The following PDE1C variants were observed in gnomAD, a reference collection of about 807,000 sequenced individuals.
PDE1C encodes the protein dual specificity calcium/calmodulin-dependent 3',5'-cyclic nucleotide phosphodiesterase 1C.
In PDE1C, 62 loss-of-function variants were observed where a neutral mutation model predicts 93.1. The ratio of observed to expected loss-of-function variants is 0.67; its 90% CI spans 0.54 to 0.82. The LOEUF is 0.82. Ranked by LOEUF, PDE1C falls within the 40% of genes least tolerant of loss-of-function variation. The pLI, the probability that PDE1C is intolerant of heterozygous loss-of-function variation, is 0.00. For synonymous variants in PDE1C, 325 were observed against 310.1 expected (o/e 1.05, Z -0.50); for missense variants, 742 against 884.6 (o/e 0.84, Z 2.04).
chr7:31,830,578 A>T (rs1444424381), intron 11 of PDE1C, among the ~76,000 whole-genome samples: 1 of 152,206 alleles, frequency 6.6e-6, no homozygotes, highest in Non-Finnish European at 1.5e-5. Flanking sequence ...CCACTCAGAC[A>T]TTCATGACAG....
intron 17 of PDE1C, among the ~76,000 whole-genome samples, chr7:31,764,231 A>G (rs1174913080): frequency 6.6e-6 from 1 of 152,080 alleles, no homozygotes; most frequent in Non-Finnish European, 1.5e-5. Context: ...GCTCACTGCA[A>G]CCTCTCAGGT....
chr7:32,027,450 A>T (rs755715787), intron 2 of PDE1C, among the ~76,000 whole-genome samples: 13 of 152,022 alleles, frequency 8.6e-5, no homozygotes, highest in Non-Finnish European at 1.3e-4. Context: ...GTTTGTGCTT[A>T]TATGTGTGTT....
chr7:32,035,172 A>G (rs30570), intron 2 of PDE1C, among the ~76,000 whole-genome samples: 105,453 of 151,726 alleles, frequency 0.7, 36,940 homozygotes, highest in Middle Eastern at 0.78. Context: ...TAAACTACAA[A>G]TGACATCTCC....
intron 3 of PDE1C, among the ~76,000 whole-genome samples, chr7:32,085,688 G>C (rs1016048170): frequency 6.6e-6 from 1 of 150,642 alleles, no homozygotes; most frequent in Non-Finnish European, 1.5e-5. Context: ...GGGATGCAAG[G>C]CTGGTTCAAT....
At chr7:32,126,735 CTAAAA>C (rs1799602308) in intron 3 of PDE1C, among the ~76,000 whole-genome samples, 1 of 151,924 alleles carries the variant, frequency 6.6e-6, no homozygotes, top group Non-Finnish European at 1.5e-5. Flanking sequence ...ATAAACTAAA[CTAAAA>C]TTTTACTACA....
intron 2 of PDE1C, among the ~76,000 whole-genome samples, chr7:31,959,437 C>T (rs578078006): frequency 1.3e-5 from 2 of 152,296 alleles, no homozygotes; most frequent in Non-Finnish European, 1.5e-5. Context: ...TGGTCTTAAA[C>T]TCCTGGCCTC....
chr7:32,363,725 A>G lies in PDE1C; in HGVS notation c.310+64097T>C, dbSNP rs562692876. ...TAGATTAAACACCACACAAACACAC[A>G]TTTGTTTTTTCACTATTAGCTGATG... On this transcript the variant is annotated intron_variant, in intron 1 of 1. Transcript: ENST00000672256. Among the ~76,000 whole-genome samples, 37 of 152,328 alleles carry G rather than the reference A, an allele frequency of 2.4e-4. No homozygotes were observed. The South Asian group carries it at 7.5e-3, about 31-fold the overall frequency.
At chr7:31,795,509 G>C (rs1785176665) in intron 16 of PDE1C, among the ~76,000 whole-genome samples, 1 of 151,738 alleles carries the variant, frequency 6.6e-6, no homozygotes. Context: ...AAATACAGTG[G>C]TACATTAGTA....
chr7:32,426,417 G>T (rs1262955326), intron 1 of PDE1C, among the ~76,000 whole-genome samples: 1 of 151,998 alleles, frequency 6.6e-6, no homozygotes, highest in Non-Finnish European at 1.5e-5. Context: ...GGGACTACAG[G>T]CATGCACCAT....
the PDE1C span, chr7:31,643,131 C>A: frequency 1.9e-6 from 3 of 1,613,922 alleles, no homozygotes; most frequent in South Asian, 3.3e-5. Context: ...AGGGAGCTGG[C>A]AAAGTGCAAA....
chr7:31,694,345 C>T, the PDE1C span, among the ~76,000 whole-genome samples: 1 of 149,788 alleles, frequency 6.7e-6, no homozygotes, highest in African/African-American at 2.5e-5. Flanking sequence ...GTATCAGATG[C>T]TTTGCAAACA....
chr7:31,971,148 C>T (rs1330759152), intron 2 of PDE1C, among the ~76,000 whole-genome samples: 1 of 152,006 alleles, frequency 6.6e-6, no homozygotes, highest in Non-Finnish European at 1.5e-5. Context: ...TGTTTCAATA[C>T]ATAAAAAATA....
the PDE1C span, among the ~76,000 whole-genome samples, chr7:31,679,558 C>T: frequency 9.3e-4 from 142 of 152,254 alleles, 1 homozygote; most frequent in Non-Finnish European, 1.0e-4. Context: ...AATATTTTTG[C>T]AGCTACAATT....
chr7:32,171,236 C>G (rs904338129), intron 2 of PDE1C, among the ~76,000 whole-genome samples: 23 of 152,234 alleles, frequency 1.5e-4, no homozygotes, highest in African/African-American at 5.3e-4. Flanking sequence ...AATAATCAGT[C>G]TAAAACACCC....
the PDE1C span, among the ~76,000 whole-genome samples, chr7:31,743,113 C>T: frequency 6.6e-6 from 1 of 152,146 alleles, no homozygotes; most frequent in Non-Finnish European, 1.5e-5. Context: ...TTTTCTCCTA[C>T]CCTCTACCAA....
At chr7:31,760,955 G>A (rs1177617761) in intron 17 of PDE1C, among the ~76,000 whole-genome samples, 1 of 152,138 alleles carries the variant, frequency 6.6e-6, no homozygotes, top group East Asian at 1.9e-4. Flanking sequence ...AACCATCCAG[G>A]AGTTTTGAAC....
chr7:31,806,254 A>C lies in PDE1C; in HGVS notation c.1891+2777T>G, dbSNP rs528068427. On this transcript the variant is annotated intron_variant, in intron 16 of 17. Coordinates refer to ENST00000396191, the MANE Select transcript of PDE1C (RefSeq NM_001191057.4). ...TCTTATTTCTCTGTTAATGTGATCA[A>C]GTAAAGTTAACGGCAAGTTTGTATT... is the stretch of plus-strand genomic sequence containing the variant. 1.2e-3 allele frequency among the ~76,000 whole-genome samples: 181 copies of C among 152,082 alleles called. No individual in the cohort carries two copies. In the South Asian group the frequency reaches 0.014, roughly 11 times the overall value.
At chr7:31,653,004 C>T in the PDE1C span, 3 of 1,420,690 alleles carry the variant, frequency 2.1e-6, no homozygotes, top group Non-Finnish European at 1.8e-6. Context: ...AATACTCATT[C>T]AGTATAGAAT....
chr7:31,690,261 T>C, the PDE1C span, among the ~76,000 whole-genome samples: 1 of 152,230 alleles, frequency 6.6e-6, no homozygotes, highest in Admixed American at 6.5e-5. Context: ...CAACATTACA[T>C]AAAAATAGCT....
Sources: allele counts gnomAD v4.1 joint callset (sites outside exome capture counted in the v4.1 genomes callset), GRCh38; gene constraint gnomAD v4.1.1; transcripts MANE v1.5; gene names NCBI Gene and HGNC (gene_info 2026-07-23, HGNC 2026-07-21).